Variants in RIN3 observed in about 807,000 individuals in gnomAD.
RIN3 encodes the protein RAB5 interacting protein 3.
RIN3 carries 54 observed loss-of-function variants against 76.3 expected under a neutral mutation model. The ratio of observed to expected loss-of-function variants is 0.71; its 90% CI spans 0.57 to 0.89. The LOEUF (loss-of-function observed/expected upper bound fraction) is 0.89. Among genes scored for constraint, RIN3 ranks in the 40% least tolerant of loss-of-function variants. The pLI, the probability that RIN3 is intolerant of heterozygous loss-of-function variation, is 0.00. For missense variants in RIN3, 1,256 were observed against 1,322.1 expected, an observed-to-expected ratio of 0.95 and a Z score of 0.78; for synonymous variants, 576 against 564.0, an observed-to-expected ratio of 1.02 and a Z score of -0.30.
At chr14:92,641,778 C>A (rs967423861) in intron 5 of RIN3, among the ~76,000 whole-genome samples, 1 of 152,204 alleles carries the variant, frequency 6.6e-6, no homozygotes, top group African/African-American at 2.4e-5. Flanking sequence ...TGACCCTAAG[C>A]ACACCCTACC....
chr14:92,618,786 C>T (rs138413913), intron 4 of RIN3, among the ~76,000 whole-genome samples: 242 of 152,316 alleles, frequency 1.6e-3, no homozygotes, highest in African/African-American at 5.7e-3. Context: ...TAAGCCACTA[C>T]ATCAATGTAT....
intron 8 of RIN3, among the ~76,000 whole-genome samples, chr14:92,684,385 CAAAA>C (rs35113092): frequency 8.6e-6 from 1 of 115,870 alleles, no homozygotes; most frequent in Non-Finnish European, 1.8e-5. Context: ...CAGACTTAGA[CAAAA>C]AAAAAAAAAA....
chr14:92,646,995 A>G (rs1204544342), intron 5 of RIN3, among the ~76,000 whole-genome samples: 3 of 152,234 alleles, frequency 2.0e-5, no homozygotes, highest in South Asian at 2.1e-4. Context: ...CTGGGTTTCC[A>G]GTCCGCTGGA....
In RIN3 at chr14:92,648,839, C is replaced by T. The variant is rs534969128; in HGVS notation, c.533-2743C>T. 2.6e-5 allele frequency among the ~76,000 whole-genome samples: 4 copies of T among 152,296 alleles called. No homozygotes were observed. In the South Asian group the frequency reaches 6.2e-4, roughly 24 times the overall value. On this transcript the variant is annotated intron_variant, in intron 5 of 9. Transcript: ENST00000216487. This position sits in a 1 kb window ranked among gnomAD's most constrained non-coding sequence, Gnocchi z 4.1. ...GCAAGGCCTGAGCACATCAGGGAGGCGCTACCAGACAGGTCGCATTTGACC... is the reference window on the plus strand; with the variant it reads ...GCAAGGCCTGAGCACATCAGGGAGGTGCTACCAGACAGGTCGCATTTGACC...
chr14:92,657,525 C>T (rs1398461526), intron 6 of RIN3, among the ~76,000 whole-genome samples: 7 of 152,148 alleles, frequency 4.6e-5, no homozygotes, highest in African/African-American at 9.7e-5. Flanking sequence ...AGAGATCCTG[C>T]GGCTCTTAGA....
chr14:92,566,769 G>A (rs8008611), intron 2 of RIN3, among the ~76,000 whole-genome samples: 18,469 of 152,184 alleles, frequency 0.12, 1,218 homozygotes, highest in East Asian at 0.18. Flanking sequence ...CGGGCAGAAG[G>A]TCTTACATGA....
chr14:92,543,472 G>A (rs1897171401), intron 1 of RIN3, among the ~76,000 whole-genome samples: 1 of 152,054 alleles, frequency 6.6e-6, no homozygotes, highest in African/African-American at 2.4e-5. Context: ...GAAGTGTTAG[G>A]GTTAGGCTCT....
intron 4 of RIN3, among the ~76,000 whole-genome samples, chr14:92,619,990 T>A (rs1423368600): frequency 3.3e-5 from 5 of 152,248 alleles, no homozygotes; most frequent in Admixed American, 3.3e-4. Flanking sequence ...ATTTGTGTTT[T>A]ACCAATAAAA....
intron 1 of RIN3, among the ~76,000 whole-genome samples, chr14:92,543,517 T>C (rs1412249198): frequency 6.6e-6 from 1 of 151,762 alleles, no homozygotes; most frequent in Non-Finnish European, 1.5e-5. Context: ...GAAATTTTGC[T>C]AGCCAGGTGC....
intron 1 of RIN3, among the ~76,000 whole-genome samples, chr14:92,534,452 C>G (rs1211137933): frequency 6.6e-6 from 1 of 151,774 alleles, no homozygotes; most frequent in Non-Finnish European, 1.5e-5. Flanking sequence ...TGGTGTCAGG[C>G]ACCTGTAATC....
chr14:92,605,198 AC>A (rs892749056), intron 3 of RIN3, among the ~76,000 whole-genome samples: 37 of 152,204 alleles, frequency 2.4e-4, no homozygotes, highest in African/African-American at 7.9e-4. Flanking sequence ...GGCGCGAGCC[AC>A]CACTCCCCGC....
Position 92,685,906 on chromosome 14 carries a change from C to A in RIN3, c.2631+756C>A, listed in dbSNP as rs921588066. The A allele has an allele frequency of 4.6e-5, 7 of 152,516 alleles. No individual in the cohort carries two copies. Among genetic ancestry groups the A allele is most frequent in the African/African-American group, 9.7e-5 (4 of 41,442 alleles). 9.4% of individuals were successfully genotyped at this position (152,516 alleles called of 1,614,324 possible). A position where few individuals can be genotyped will look rare whatever the true frequency, so the allele number is the denominator to read the frequency against. On this transcript the variant is annotated intron_variant, in intron 9 of 9. Transcript: ENST00000216487. The surrounding 1 kb of genome is among the most constrained non-coding windows in gnomAD (Gnocchi z 4.7). ...GCTGGGTGGGGTGCCCTCCTCTGGG[C>A]TTCCTGCGGCCTCCCCTTTTACAGT...
intron 1 of RIN3, among the ~76,000 whole-genome samples, chr14:92,525,289 TTC>T (rs1166360361): frequency 6.6e-6 from 1 of 152,170 alleles, no homozygotes; most frequent in East Asian, 1.9e-4. Flanking sequence ...TGGCAGCTCA[TTC>T]TGTGTGTAGC....
chr14:92,559,534 G>A (rs1394055500), intron 2 of RIN3, among the ~76,000 whole-genome samples: 3 of 152,232 alleles, frequency 2.0e-5, no homozygotes, highest in Admixed American at 6.5e-5. Flanking sequence ...TGTCCTCTCC[G>A]AGGGTCTGGT....
intron 2 of RIN3, among the ~76,000 whole-genome samples, chr14:92,560,726 TACAG>T (rs1232106652): frequency 6.6e-6 from 1 of 151,816 alleles, no homozygotes; most frequent in Non-Finnish European, 1.5e-5. Context: ...TTTCTAAAGA[TACAG>T]ACACCGGGCC....
Position 92,674,161 on chromosome 14 carries a change from C to T in RIN3, c.2336-2314C>T, listed in dbSNP as rs542625980. Among the ~76,000 whole-genome samples the T allele has an allele frequency of 2.6e-5, 4 of 152,236 alleles. No homozygotes were observed. In the South Asian group the frequency reaches 6.2e-4, roughly 24 times the overall value. On this transcript the variant is annotated intron_variant, in intron 7 of 9. Transcript: ENST00000216487. Reference sequence around the variant, plus strand: ...GCACCTCGTTCTCCAACCTCCCTGCCGAGGTGAGAGGAGGGAAGGAGCTTG... The same window carrying T: ...GCACCTCGTTCTCCAACCTCCCTGCTGAGGTGAGAGGAGGGAAGGAGCTTG...
chr14:92,596,823 G>A (rs1368062115), intron 3 of RIN3, among the ~76,000 whole-genome samples: 2 of 152,172 alleles, frequency 1.3e-5, no homozygotes, highest in Admixed American at 6.5e-5. Context: ...ACTCTCCCTC[G>A]TAACAACTGA....
At chr14:92,674,301 G>A (rs1217186456) in intron 7 of RIN3, among the ~76,000 whole-genome samples, 1 of 152,176 alleles carries the variant, frequency 6.6e-6, no homozygotes, top group Non-Finnish European at 1.5e-5. Context: ...GCCCAGGAGG[G>A]TCACTTTAGC....
chr14:92,598,773 A>G (rs1377979428), intron 3 of RIN3, among the ~76,000 whole-genome samples: 1 of 152,218 alleles, frequency 6.6e-6, no homozygotes, highest in Non-Finnish European at 1.5e-5. Context: ...CAGTTAAGGC[A>G]GAAATAGAGA....
Sources: gnomAD v4.1 joint callset for allele counts (sites outside exome capture counted in the v4.1 genomes callset) on GRCh38, gnomAD v4.1.1 for gene constraint, Gnocchi (gnomAD v3.1) non-coding constraint, MANE v1.5 for transcripts, NCBI Gene and HGNC (gene_info 2026-07-23, HGNC 2026-07-21) for gene names.